The following EPHA3 variants were observed in gnomAD, a reference collection of about 807,000 sequenced individuals.
EPHA3 encodes EPH receptor A3, also known as ephrin type-A receptor 3.
Under a neutral mutation model 107.1 loss-of-function variants are expected in EPHA3, and 42 were observed. The observed-to-expected ratio is 0.39, with a 90% CI of 0.31 to 0.51. The LOEUF is 0.51. EPHA3 is among the 20% of genes least tolerant of loss of function. The pLI is 0.78. For missense variants in EPHA3, 1,183 were observed against 1,211.2 expected, an observed-to-expected ratio of 0.98 and a Z score of 0.35; for synonymous variants, 461 against 424.8, an observed-to-expected ratio of 1.09 and a Z score of -1.05.
chr3:89,481,492 TCTAATTTTTTCCCAGA>T lies in EPHA3; in HGVS notation c.*1994_*2009del. ...GAATGAGATCTGAATGTGGTTTCAA[TCTAATTTTTTCCCAGA>T]CTACTATTTTCTTTTTTAGGTACTA... On this transcript the variant is annotated 3_prime_UTR_variant, in exon 17 of 17. Transcript: ENST00000336596. 4.3e-6 allele frequency: 1 copy of T among 232,336 alleles called. No homozygotes were observed. The highest frequency in any genetic ancestry group is 6.1e-5 in the East Asian group (1 of 16,388). The allele number at this position is 232,336 out of a possible 1,614,324, so 14.4% of individuals were successfully genotyped here.
intron 11 of EPHA3, among the ~76,000 whole-genome samples, chr3:89,420,053 G>T (rs1709326793): frequency 6.6e-6 from 1 of 151,388 alleles, no homozygotes; most frequent in Non-Finnish European, 1.5e-5. Flanking sequence ...GGGATCCTGT[G>T]AGGCGGATCT....
At chr3:89,194,946 C>T (rs1705802568) in intron 2 of EPHA3, among the ~76,000 whole-genome samples, 1 of 152,044 alleles carries the variant, frequency 6.6e-6, no homozygotes, top group Non-Finnish European at 1.5e-5. Flanking sequence ...TACAGTATTT[C>T]CACTTCTCTC....
At chr3:89,180,450 C>T (rs1303803019) in intron 2 of EPHA3, among the ~76,000 whole-genome samples, 3 of 151,984 alleles carry the variant, frequency 2.0e-5, no homozygotes, top group African/African-American at 7.2e-5. Flanking sequence ...TATTTACTGA[C>T]TGGCATGTGA....
At chr3:89,203,324 TAA>T (rs138552890) in intron 2 of EPHA3, among the ~76,000 whole-genome samples, 5,873 of 138,376 alleles carry the variant, frequency 0.042, 290 homozygotes, top group African/African-American at 0.12. Flanking sequence ...TAGCCGGAAT[TAA>T]AAAAAAAACA....
intron 11 of EPHA3, among the ~76,000 whole-genome samples, chr3:89,426,920 T>G (rs1045722627): frequency 2.0e-5 from 3 of 151,872 alleles, no homozygotes; most frequent in African/African-American, 7.2e-5. Context: ...GCCAGGCATC[T>G]AGAATCAAAC....
At chr3:89,260,673 C>G (rs1351357839) in intron 3 of EPHA3, among the ~76,000 whole-genome samples, 1 of 152,068 alleles carries the variant, frequency 6.6e-6, no homozygotes, top group African/African-American at 2.4e-5. Flanking sequence ...GTTTTCTTTT[C>G]TATGCCAAAG....
chr3:89,122,566 A>G (rs1383389388), intron 1 of EPHA3, among the ~76,000 whole-genome samples: 1 of 140,796 alleles, frequency 7.1e-6, no homozygotes, highest in Non-Finnish European at 1.6e-5. Context: ...ATTTAATTTT[A>G]AAAACCTTTT....
chr3:89,403,903 A>G (rs1019140495), intron 7 of EPHA3, among the ~76,000 whole-genome samples: 1 of 152,190 alleles, frequency 6.6e-6, no homozygotes, highest in South Asian at 2.1e-4. Context: ...ATAGCCTCAT[A>G]TAGTAGGTAC....
chr3:89,370,943 A>G (rs550312249), intron 5 of EPHA3, among the ~76,000 whole-genome samples: 1 of 92,200 alleles, frequency 1.1e-5, no homozygotes, highest in African/African-American at 3.4e-5. Context: ...TTTTCTGTGC[A>G]CCTAGACAAA....
chr3:89,330,886 G>A (rs1707269025), intron 3 of EPHA3, among the ~76,000 whole-genome samples: 1 of 152,260 alleles, frequency 6.6e-6, no homozygotes, highest in Non-Finnish European at 1.5e-5. Context: ...GAAAATTCAT[G>A]TTAGTGGACT....
chr3:89,174,884 A>C (rs1705286282), intron 2 of EPHA3, among the ~76,000 whole-genome samples: 1 of 151,942 alleles, frequency 6.6e-6, no homozygotes, highest in Admixed American at 6.6e-5. Context: ...AATTTGGTAA[A>C]TCTGATAAGA....
intron 5 of EPHA3, among the ~76,000 whole-genome samples, chr3:89,392,858 T>TA (rs533981637): frequency 6.6e-6 from 1 of 152,020 alleles, no homozygotes; most frequent in Non-Finnish European, 1.5e-5. Context: ...TCACAGCACA[T>TA]AAAAAAATCG....
chr3:89,155,547 C>A (rs1239926581), intron 2 of EPHA3, among the ~76,000 whole-genome samples: 1 of 151,966 alleles, frequency 6.6e-6, no homozygotes, highest in Non-Finnish European at 1.5e-5. Flanking sequence ...CAATTGCAAT[C>A]CATTTTGATT....
intron 3 of EPHA3, among the ~76,000 whole-genome samples, chr3:89,305,998 G>C (rs1024140337): frequency 6.6e-6 from 1 of 152,068 alleles, no homozygotes; most frequent in African/African-American, 2.4e-5. Flanking sequence ...GAGTCAATAG[G>C]TAAGCCTTCC....
At chr3:89,414,513 A>G (rs1295203838) in intron 10 of EPHA3, among the ~76,000 whole-genome samples, 1 of 151,636 alleles carries the variant, frequency 6.6e-6, no homozygotes, top group Non-Finnish European at 1.5e-5. Flanking sequence ...GAACAGCTCC[A>G]TGATGCAGAA....
chr3:89,282,681 C>G (rs1190037284), intron 3 of EPHA3, among the ~76,000 whole-genome samples: 1 of 151,796 alleles, frequency 6.6e-6, no homozygotes, highest in Non-Finnish European at 1.5e-5. Context: ...TTATAAGTAC[C>G]AATTTGGGGA....
chr3:89,325,823 AT>A (rs1707152104), intron 3 of EPHA3, among the ~76,000 whole-genome samples: 1 of 151,884 alleles, frequency 6.6e-6, no homozygotes, highest in South Asian at 2.1e-4. Flanking sequence ...GCCAACTTAA[AT>A]TTTTATTTAA....
At chr3:89,119,814 A>T (rs1220029315) in intron 1 of EPHA3, among the ~76,000 whole-genome samples, 6 of 152,126 alleles carry the variant, frequency 3.9e-5, no homozygotes, top group Admixed American at 2.0e-4. Context: ...ATGTTTTTAA[A>T]TTTAAACTTA....
chr3:89,152,033 T>A (rs1014884781), intron 2 of EPHA3, among the ~76,000 whole-genome samples: 1 of 152,100 alleles, frequency 6.6e-6, no homozygotes, highest in African/African-American at 2.4e-5. Flanking sequence ...TAGAAATGTT[T>A]GTTTTAATGA....
Sources: gnomAD v4.1 joint callset for allele counts (sites outside exome capture counted in the v4.1 genomes callset) on GRCh38, gnomAD v4.1.1 for gene constraint, MANE v1.5 for transcripts, NCBI Gene and HGNC (gene_info 2026-07-23, HGNC 2026-07-21) for gene names.